ACVR1: variants seen among roughly 807,000 people sequenced by gnomAD.
ACVR1 encodes the protein activin A receptor type 1.
A neutral mutation model predicts 57.1 loss-of-function variants in ACVR1; 38 were observed. The observed-to-expected ratio is 0.67, with a 90% CI of 0.51 to 0.87. ACVR1 has a LOEUF of 0.87. Ranked by LOEUF, ACVR1 falls within the 40% of genes least tolerant of loss-of-function variation. The pLI, the probability that ACVR1 is intolerant of heterozygous loss-of-function variation, is 0.00. For synonymous variants in ACVR1, 212 were observed against 228.1 expected (o/e 0.93, Z 0.63); for missense variants, 463 against 638.2 (o/e 0.73, Z 2.96).
chr2:157,809,944 T>C (rs1034781855), intron 2 of ACVR1, among the ~76,000 whole-genome samples: 2 of 151,950 alleles, frequency 1.3e-5, no homozygotes, highest in Non-Finnish European at 2.9e-5. Context: ...AGCGTGTTGG[T>C]GTGGGCCTGT....
intron 9 of ACVR1, among the ~76,000 whole-genome samples, chr2:157,740,259 C>T (rs1483753661): frequency 6.6e-6 from 1 of 152,026 alleles, no homozygotes; most frequent in East Asian, 1.9e-4. Context: ...GCATATCAGT[C>T]AGTGGATTAA....
intron 5 of ACVR1, among the ~76,000 whole-genome samples, chr2:157,776,611 T>G (rs1301826633): frequency 3.9e-5 from 6 of 152,234 alleles, no homozygotes; most frequent in Non-Finnish European, 8.8e-5. Context: ...TACCAAAAAG[T>G]GGCCCAGTGA....
At chr2:157,758,276 T>C (rs962687304) in intron 9 of ACVR1, among the ~76,000 whole-genome samples, 3 of 152,006 alleles carry the variant, frequency 2.0e-5, no homozygotes, top group African/African-American at 4.8e-5. Context: ...ACATGGAAGA[T>C]TGGTTCCAAG....
chr2:157,793,796 C>A (rs1574072315), intron 3 of ACVR1, among the ~76,000 whole-genome samples: 2 of 152,098 alleles, frequency 1.3e-5, no homozygotes, highest in Non-Finnish European at 2.9e-5. Flanking sequence ...TTCTATTCTT[C>A]CCCCCAGCAG....
intron 1 of ACVR1, among the ~76,000 whole-genome samples, chr2:157,832,816 A>T (rs1049957931): frequency 6.6e-6 from 1 of 152,174 alleles, no homozygotes; most frequent in African/African-American, 2.4e-5. Flanking sequence ...CACACCTGTG[A>T]TTAATTTACA....
chr2:157,739,989 G>A (rs1684690837), intron 9 of ACVR1, among the ~76,000 whole-genome samples: 1 of 152,104 alleles, frequency 6.6e-6, no homozygotes, highest in African/African-American at 2.4e-5. Context: ...TTCGAGACAA[G>A]CCTGGGCAAC....
At chr2:157,789,375 G>A (rs1403476185) in intron 3 of ACVR1, among the ~76,000 whole-genome samples, 3 of 152,200 alleles carry the variant, frequency 2.0e-5, no homozygotes, top group South Asian at 4.1e-4. Flanking sequence ...GATGTGTCAC[G>A]AGGCCACTGG....
intron 3 of ACVR1, among the ~76,000 whole-genome samples, chr2:157,790,621 G>A (rs1686875196): frequency 6.6e-6 from 1 of 152,170 alleles, no homozygotes; most frequent in African/African-American, 2.4e-5. Context: ...TATCATTTGT[G>A]AGCCACCTGT....
intron 9 of ACVR1, among the ~76,000 whole-genome samples, chr2:157,755,539 A>G (rs571690470): frequency 0.018 from 2,496 of 139,578 alleles, 63 homozygotes; most frequent in African/African-American, 0.065. Flanking sequence ...ATACCATACC[A>G]TACCATACCA....
intron 9 of ACVR1, among the ~76,000 whole-genome samples, chr2:157,757,457 C>T (rs1267257221): frequency 6.6e-6 from 1 of 151,776 alleles, no homozygotes; most frequent in Non-Finnish European, 1.5e-5. Context: ...TATAGTCAAA[C>T]TTGTAAAGTC....
chr2:157,805,434 C>T (rs1574086399), intron 2 of ACVR1, among the ~76,000 whole-genome samples: 1 of 152,210 alleles, frequency 6.6e-6, no homozygotes, highest in Non-Finnish European at 1.5e-5. Flanking sequence ...CACGTGAAGA[C>T]ACTTTCTAAC....
intron 9 of ACVR1, among the ~76,000 whole-genome samples, chr2:157,744,226 G>A (rs1018168451): frequency 6.6e-6 from 1 of 152,134 alleles, no homozygotes; most frequent in Admixed American, 6.5e-5. Context: ...TCCATACAAA[G>A]AGCTATTTTT....
intron 1 of ACVR1, among the ~76,000 whole-genome samples, chr2:157,840,525 G>A (rs941156037): frequency 6.6e-6 from 1 of 152,218 alleles, no homozygotes; most frequent in Non-Finnish European, 1.5e-5. Flanking sequence ...AAAGTGCAAA[G>A]TGTCACCTGA....
At chr2:157,775,517 T>G (rs908920312) in intron 5 of ACVR1, among the ~76,000 whole-genome samples, 1 of 152,342 alleles carries the variant, frequency 6.6e-6, no homozygotes, top group Admixed American at 6.5e-5. Flanking sequence ...TTTCATCTTC[T>G]TTCACTTCTT....
chr2:157,850,912 G>A lies in ACVR1; in HGVS notation c.-183+24884C>T, dbSNP rs368627363. Among the ~76,000 whole-genome samples the A allele has an allele frequency of 7.4e-4, 112 of 152,210 alleles. No individual in the cohort carries two copies. The South Asian group carries it at 0.021, about 28-fold the overall frequency. On this transcript the variant is annotated intron_variant, in intron 1 of 10. Transcript: ENST00000434821. ...GCGGAGGTTGTAATGAGTCGAGATC[G>A]CGCCACTGCACTCCAGTCTGGGCAA...
At chr2:157,772,141 T>C (rs1046827167) in intron 6 of ACVR1, among the ~76,000 whole-genome samples, 15 of 152,190 alleles carry the variant, frequency 9.9e-5, no homozygotes, top group Non-Finnish European at 2.1e-4. Context: ...AAAATAGAAA[T>C]ATTGTTCAAT....
At chr2:157,833,291 C>T (rs1010478891) in intron 1 of ACVR1, among the ~76,000 whole-genome samples, 1 of 152,150 alleles carries the variant, frequency 6.6e-6, no homozygotes, top group African/African-American at 2.4e-5. Context: ...TATACTTGAG[C>T]TCTGTGGACT....
In ACVR1 at chr2:157,787,702, CCA is replaced by C. The variant is rs533539244; in HGVS notation, c.68-7104_68-7103del. On this transcript the variant is annotated intron_variant, in intron 3 of 10. Transcript: ENST00000434821. Reference sequence around the variant, plus strand: ...GAGGAATCACTTTTCGTTGTTTCCCCCACCTCCTCGGGCTAACCAGAGAGTGT... The same window carrying C: ...GAGGAATCACTTTTCGTTGTTTCCCCCCTCCTCGGGCTAACCAGAGAGTGT... Among the ~76,000 whole-genome samples the C allele has an allele frequency of 1.6e-3, 238 of 152,228 alleles. 2 individuals carry two copies. The highest frequency in any genetic ancestry group is 5.5e-3 in the African/African-American group (227 of 41,546).
At chr2:157,848,990 C>A (rs1218148448) in intron 1 of ACVR1, among the ~76,000 whole-genome samples, 1 of 152,118 alleles carries the variant, frequency 6.6e-6, no homozygotes, top group Non-Finnish European at 1.5e-5. Flanking sequence ...AATAATCTGT[C>A]ATCTAATCTA....
Sources: gnomAD v4.1 joint callset for allele counts (sites outside exome capture counted in the v4.1 genomes callset) on GRCh38, gnomAD v4.1.1 for gene constraint, MANE v1.5 for transcripts, NCBI Gene and HGNC (gene_info 2026-07-23, HGNC 2026-07-21) for gene names.